Variants in MAN1A2 observed in about 807,000 individuals in gnomAD.
MAN1A2 encodes mannosidase alpha class 1A member 2.
In MAN1A2, 26 loss-of-function variants were observed where a neutral mutation model predicts 75.7. The ratio of observed to expected loss-of-function variants is 0.34; its 90% CI spans 0.25 to 0.48. The LOEUF is 0.48. Ranked by LOEUF, MAN1A2 falls within the 20% of genes least tolerant of loss-of-function variation. The pLI is 0.99. For synonymous variants in MAN1A2, 247 were observed against 264.6 expected (o/e 0.93, Z 0.65); for missense variants, 562 against 775.5 (o/e 0.72, Z 3.27).
chr1:117,487,517 G>A (rs925312042), intron 8 of MAN1A2, among the ~76,000 whole-genome samples: 2 of 151,986 alleles, frequency 1.3e-5, no homozygotes, highest in African/African-American at 4.8e-5. Context: ...AAAACATAAG[G>A]ACAACTAAAA....
intron 7 of MAN1A2, among the ~76,000 whole-genome samples, chr1:117,463,471 A>G (rs1649888241): frequency 6.6e-6 from 1 of 151,926 alleles, no homozygotes; most frequent in East Asian, 1.9e-4. Flanking sequence ...GAAGTACACT[A>G]GTACTCCAGA....
intron 2 of MAN1A2, among the ~76,000 whole-genome samples, chr1:117,404,095 G>C (rs753655740): frequency 9.2e-5 from 14 of 151,942 alleles, no homozygotes; most frequent in Admixed American, 9.2e-4. Context: ...TGTTAAATTA[G>C]TCTTATATTC....
chr1:117,396,546 A>G (rs1430569589), intron 1 of MAN1A2, among the ~76,000 whole-genome samples: 1 of 152,238 alleles, frequency 6.6e-6, no homozygotes, highest in Non-Finnish European at 1.5e-5. Context: ...TTAAAAATCT[A>G]GAAATTTGGC....
At chr1:117,502,476 T>C (rs758938841) in intron 11 of MAN1A2, among the ~76,000 whole-genome samples, 78 of 151,708 alleles carry the variant, frequency 5.1e-4, no homozygotes, top group Non-Finnish European at 3.0e-4. Flanking sequence ...TTGGAAGTGA[T>C]AAAATTGCAT....
chr1:117,476,142 C>T (rs1344442671), intron 8 of MAN1A2, among the ~76,000 whole-genome samples: 6 of 151,842 alleles, frequency 4.0e-5, no homozygotes, highest in African/African-American at 7.3e-5. Context: ...TTCATATGTT[C>T]GTTGGCTGCA....
chr1:117,373,840 C>G (rs1653054444), intron 1 of MAN1A2, among the ~76,000 whole-genome samples: 1 of 151,946 alleles, frequency 6.6e-6, no homozygotes, highest in African/African-American at 2.4e-5. Context: ...GGAGCTCATG[C>G]CTAAGATTGG....
At chr1:117,384,092 A>G (rs1032168627) in intron 1 of MAN1A2, among the ~76,000 whole-genome samples, 2 of 152,078 alleles carry the variant, frequency 1.3e-5, no homozygotes, top group African/African-American at 4.8e-5. Flanking sequence ...TGGTTTCATT[A>G]GATTCTCTCT....
chr1:117,420,021 T>G (rs2101779523), intron 4 of MAN1A2, among the ~76,000 whole-genome samples: 1 of 152,216 alleles, frequency 6.6e-6, no homozygotes, highest in East Asian at 1.9e-4. Context: ...TTTGTGAAAT[T>G]AGTATTTATG....
At chr1:117,432,255 A>G (rs190747218) in intron 5 of MAN1A2, among the ~76,000 whole-genome samples, 2 of 152,324 alleles carry the variant, frequency 1.3e-5, no homozygotes, top group African/African-American at 4.8e-5. Flanking sequence ...CATACATTAA[A>G]TGCATAATAA....
At chr1:117,405,190 G>C (rs1336415972) in intron 2 of MAN1A2, among the ~76,000 whole-genome samples, 1 of 152,166 alleles carries the variant, frequency 6.6e-6, no homozygotes, top group Non-Finnish European at 1.5e-5. Flanking sequence ...TTTCTAGCTA[G>C]GGTGAGTTAA....
At chr1:117,475,359 A>AT (rs970629108) in intron 8 of MAN1A2, among the ~76,000 whole-genome samples, 17 of 149,982 alleles carry the variant, frequency 1.1e-4, no homozygotes, top group East Asian at 6.0e-4. Flanking sequence ...ATTACATTGT[A>AT]TTTTTTTTTC....
intron 5 of MAN1A2, among the ~76,000 whole-genome samples, chr1:117,431,116 G>T (rs1295505722): frequency 2.2e-5 from 3 of 133,846 alleles, no homozygotes; most frequent in South Asian, 5.6e-4. Context: ...GGAGAATCAG[G>T]CAGGGAGGTT....
intron 1 of MAN1A2, among the ~76,000 whole-genome samples, chr1:117,379,193 C>A (rs1653251083): frequency 6.6e-6 from 1 of 151,708 alleles, no homozygotes; most frequent in African/African-American, 2.4e-5. Context: ...TTATATTTTT[C>A]CGTATGGGTA....
chr1:117,393,015 G>A (rs1377575677), intron 1 of MAN1A2, among the ~76,000 whole-genome samples: 1 of 152,134 alleles, frequency 6.6e-6, no homozygotes, highest in Non-Finnish European at 1.5e-5. Context: ...TTTAGGAAAG[G>A]GATTACTGTT....
intron 12 of MAN1A2, among the ~76,000 whole-genome samples, chr1:117,509,452 C>G (rs561005265): frequency 6.6e-6 from 1 of 151,822 alleles, no homozygotes; most frequent in South Asian, 2.1e-4. Context: ...TATTCTTTTT[C>G]GTTGTTGTTA....
At chr1:117,373,035 C>T (rs545079609) in intron 1 of MAN1A2, among the ~76,000 whole-genome samples, 6 of 152,236 alleles carry the variant, frequency 3.9e-5, no homozygotes, top group South Asian at 2.1e-4. Flanking sequence ...CAAACCTGTG[C>T]GCTGTCCAGT....
chr1:117,436,915 C>T (rs1020346713), intron 5 of MAN1A2, among the ~76,000 whole-genome samples: 1 of 152,198 alleles, frequency 6.6e-6, no homozygotes, highest in Admixed American at 6.5e-5. Context: ...GACTTATTAG[C>T]TTGCAAATAT....
chr1:117,410,684 C>G (rs149823008), intron 3 of MAN1A2, among the ~76,000 whole-genome samples: 137 of 149,274 alleles, frequency 9.2e-4, no homozygotes, highest in African/African-American at 3.2e-3. Context: ...CATTTTTAGT[C>G]AACATAATTG....
chr1:117,398,672 T>TC (rs1553231202), intron 1 of MAN1A2, among the ~76,000 whole-genome samples: 10 of 124,748 alleles, frequency 8.0e-5, no homozygotes, highest in African/African-American at 3.3e-4. Flanking sequence ...AGACTCTATT[T>TC]CAAAAAAAAA....
Sources: allele counts gnomAD v4.1 joint callset (sites outside exome capture counted in the v4.1 genomes callset), GRCh38; gene constraint gnomAD v4.1.1; transcripts MANE v1.5; gene names NCBI Gene and HGNC (gene_info 2026-07-23, HGNC 2026-07-21).